The following TLL1 variants were observed in gnomAD, a reference collection of about 807,000 sequenced individuals.
TLL1 encodes the protein tolloid like 1, also known as tolloid-like protein 1.
TLL1 carries 49 observed loss-of-function variants against 128.2 expected under a neutral mutation model. That is an observed-to-expected ratio of 0.38 (90% confidence interval 0.30 to 0.48). The LOEUF is 0.48. Among genes scored for constraint, TLL1 ranks in the 20% least tolerant of loss-of-function variants. The pLI is 0.96. For synonymous variants in TLL1, 454 were observed against 418.8 expected (o/e 1.08, Z -1.03); for missense variants, 1,123 against 1,242.0 (o/e 0.90, Z 1.44).
chr4:165,969,802 C>T (rs1735554781), intron 1 of TLL1, among the ~76,000 whole-genome samples: 2 of 152,058 alleles, frequency 1.3e-5, no homozygotes, highest in Non-Finnish European at 2.9e-5. Context: ...AAAATGTTAA[C>T]TTATTAATTT....
chr4:165,931,586 G>T (rs549622373), intron 1 of TLL1, among the ~76,000 whole-genome samples: 1 of 151,990 alleles, frequency 6.6e-6, no homozygotes, highest in South Asian at 2.1e-4. Context: ...GGGTGTGGTG[G>T]TGGGCACCTG....
chr4:165,887,478 A>G (rs1731215048), intron 1 of TLL1, among the ~76,000 whole-genome samples: 1 of 152,200 alleles, frequency 6.6e-6, no homozygotes. Flanking sequence ...TTCATACTTT[A>G]GTGACTGGAT....
At chr4:165,922,010 A>G (rs1733064621) in intron 1 of TLL1, among the ~76,000 whole-genome samples, 1 of 152,178 alleles carries the variant, frequency 6.6e-6, no homozygotes, top group Non-Finnish European at 1.5e-5. Flanking sequence ...AGATGAGGAG[A>G]AGACTTGGAT....
intron 16 of TLL1, among the ~76,000 whole-genome samples, chr4:166,067,360 T>A (rs887564883): frequency 2.0e-5 from 3 of 151,712 alleles, no homozygotes; most frequent in African/African-American, 7.3e-5. Flanking sequence ...TCAGAAAAAA[T>A]TTTCCAAATT....
intron 1 of TLL1, among the ~76,000 whole-genome samples, chr4:165,912,515 A>T (rs1732583440): frequency 1.3e-5 from 2 of 152,160 alleles, no homozygotes; most frequent in South Asian, 4.1e-4. Context: ...AAAATTAAAG[A>T]CTCTAAAGTA....
chr4:165,918,867 G>C (rs1480313617), intron 1 of TLL1, among the ~76,000 whole-genome samples: 1 of 152,134 alleles, frequency 6.6e-6, no homozygotes, highest in African/African-American at 2.4e-5. Flanking sequence ...GAGAGTAAAT[G>C]AAGACCCTGG....
In TLL1 at chr4:165,883,432, T is replaced by C. The variant is rs543846413; in HGVS notation, c.169+9359T>C. Among the ~76,000 whole-genome samples, 41 of 152,260 alleles carry C rather than the reference T, an allele frequency of 2.7e-4. 1 individual carries two copies. The East Asian group carries it at 7.3e-3, about 27-fold the overall frequency. On this transcript the variant is annotated intron_variant, in intron 1 of 20. Transcript: ENST00000061240. ...GGCTTTGGAGTGAGAGGGCCATGAG[T>C]TCTAATACTAAACCCCCCACATAAT...
At chr4:165,995,323 A>G (rs1736825992) in intron 5 of TLL1, 145 bp downstream of exon 5, 1 of 679,826 alleles carries the variant, frequency 1.5e-6, no homozygotes, top group East Asian at 2.7e-5. Flanking sequence ...AAAATATTAT[A>G]TACTAGGTAT....
chr4:166,014,305 A>G lies in TLL1; in HGVS notation c.918-131A>G, dbSNP rs529041361. 16 of 1,351,980 alleles carry G rather than the reference A, an allele frequency of 1.2e-5. No individual in the cohort carries two copies. In the African/African-American group the frequency reaches 1.7e-4, roughly 15 times the overall value. The allele number at this position is 1,351,980 out of a possible 1,614,324, so 83.7% of individuals were successfully genotyped here. On this transcript the variant is annotated intron_variant, in intron 7 of 20. Coordinates refer to ENST00000061240, the MANE Select transcript of TLL1 (RefSeq NM_012464.5). ...TGAAAGTGTTTTGAAAGCCTGATAC[A>G]CTGCTTAAAGCACACAAGGTGTAGT...
At chr4:165,932,705 C>A (rs1733587358) in intron 1 of TLL1, among the ~76,000 whole-genome samples, 1 of 151,206 alleles carries the variant, frequency 6.6e-6, no homozygotes, top group Non-Finnish European at 1.5e-5. Flanking sequence ...AATTTCTTGT[C>A]AGAAAAGTGT....
chr4:166,073,510 C>G (rs1346455164), intron 16 of TLL1, among the ~76,000 whole-genome samples: 1 of 151,906 alleles, frequency 6.6e-6, no homozygotes, highest in Non-Finnish European at 1.5e-5. Flanking sequence ...TTGCTTTTTG[C>G]TTATTCTCGA....
intron 1 of TLL1, among the ~76,000 whole-genome samples, chr4:165,881,630 C>T (rs933557607): frequency 6.6e-6 from 1 of 152,148 alleles, no homozygotes; most frequent in African/African-American, 2.4e-5. Flanking sequence ...GCAGGGCCTC[C>T]TCCTTCTTGA....
Position 165,874,039 on chromosome 4 carries a change from A to G in TLL1, c.135A>G (p.Thr45=), listed in dbSNP as rs1348932930. The G allele has an allele frequency of 1.2e-6, 2 of 1,614,018 alleles. No individual in the cohort carries two copies. Among genetic ancestry groups the G allele is most frequent in the Non-Finnish European group, 8.5e-7 (1 of 1,180,018 alleles). Residue 45 remains threonine (T), a synonymous_variant, in exon 1 of 21, where the codon ACA becomes ACG. Coordinates refer to ENST00000061240, the MANE Select transcript of TLL1 (RefSeq NM_012464.5). ...TTGATGGGAACGAAGAGGATAAAAC[A>G]GAGACTATAGATTACAAGGACCCGT... is the stretch of plus-strand genomic sequence containing the variant. ...YTFDGNEEDK[T]ETIDYKDPCK...
chr4:165,968,332 T>C (rs1296550245), intron 1 of TLL1, among the ~76,000 whole-genome samples: 1 of 152,180 alleles, frequency 6.6e-6, no homozygotes, highest in East Asian at 1.9e-4. Flanking sequence ...GGACTGCCAT[T>C]CTTGTAATAG....
intron 1 of TLL1, among the ~76,000 whole-genome samples, chr4:165,920,375 G>A (rs1406175179): frequency 1.3e-5 from 2 of 152,194 alleles, no homozygotes; most frequent in African/African-American, 2.4e-5. Flanking sequence ...GAGAATTGTT[G>A]TTGAGCATTG....
chr4:166,078,638 A>G (rs186184260), intron 18 of TLL1, among the ~76,000 whole-genome samples: 2 of 152,324 alleles, frequency 1.3e-5, no homozygotes, highest in African/African-American at 4.8e-5. Context: ...TGGCCTGGTC[A>G]TAAATAATAA....
intron 12 of TLL1, chr4:166,044,475 T>A (rs1052805285): frequency 3.0e-5 from 44 of 1,479,430 alleles, no homozygotes; most frequent in Non-Finnish European, 3.9e-5. Flanking sequence ...TCCCCTTGCA[T>A]GTACCATTTA....
intron 1 of TLL1, among the ~76,000 whole-genome samples, chr4:165,937,855 C>G (rs190246883): frequency 2.5e-5 from 2 of 79,302 alleles, no homozygotes; most frequent in Non-Finnish European, 3.9e-5. Flanking sequence ...CCTTCCCCAC[C>G]CCCCCCCCAA....
chr4:165,913,553 A>G lies in TLL1; in HGVS notation c.169+39480A>G, dbSNP rs1440718908. Among the ~76,000 whole-genome samples the G allele has an allele frequency of 2.6e-5, 4 of 152,212 alleles. No homozygotes were observed. In the East Asian group the frequency reaches 7.7e-4, roughly 29 times the overall value. ...TGTAAGTGCTGTGTTGCAAAACAGA[A>G]TCCTATATCACTGAGCCTTTCCATT... is the stretch of plus-strand genomic sequence containing the variant. On this transcript the variant is annotated intron_variant, in intron 1 of 20. Coordinates refer to ENST00000061240, the MANE Select transcript of TLL1 (RefSeq NM_012464.5).
Sources: gnomAD v4.1 joint callset for allele counts (sites outside exome capture counted in the v4.1 genomes callset) on GRCh38, gnomAD v4.1.1 for gene constraint, MANE v1.5 for transcripts, NCBI Gene and HGNC (gene_info 2026-07-23, HGNC 2026-07-21) for gene names.